Variants in RBL1 observed in about 807,000 individuals in gnomAD.
RBL1 encodes the protein retinoblastoma-like protein 1.
Under a neutral mutation model 123.0 loss-of-function variants are expected in RBL1, and 82 were observed. The ratio of observed to expected loss-of-function variants is 0.67; its 90% confidence interval spans 0.56 to 0.80. RBL1 has a LOEUF of 0.80. Ranked by LOEUF, RBL1 falls within the 30% of genes least tolerant of loss-of-function variation. RBL1 has a pLI of 0.00. For synonymous variants in RBL1, 405 were observed against 441.3 expected (o/e 0.92, Z 1.03); for missense variants, 1,171 against 1,299.6 (o/e 0.90, Z 1.52).
intron 18 of RBL1, among the ~76,000 whole-genome samples, chr20:37,018,659 G>T (rs958042992): frequency 1.3e-5 from 2 of 152,146 alleles, no homozygotes; most frequent in African/African-American, 4.8e-5. Context: ...CAACTTTAAA[G>T]ACCTGAATTT....
At chr20:37,092,844 G>A (rs1431600738) in intron 1 of RBL1, among the ~76,000 whole-genome samples, 1 of 152,006 alleles carries the variant, frequency 6.6e-6, no homozygotes, top group Non-Finnish European at 1.5e-5. Flanking sequence ...GAATAAAATA[G>A]AATACAATTC....
At chr20:37,069,514 C>T (rs1299282033) in intron 2 of RBL1, among the ~76,000 whole-genome samples, 1 of 151,542 alleles carries the variant, frequency 6.6e-6, no homozygotes, top group Non-Finnish European at 1.5e-5. Context: ...GTGAGGAGCA[C>T]CTCTGCCCGG....
chr20:37,066,937 A>C, intron 5 of RBL1, 53 bp from the exon 6 acceptor site: 2 of 1,596,240 alleles, frequency 1.3e-6, no homozygotes, highest in Non-Finnish European at 1.7e-6. Context: ...TCAACTTTTA[A>C]AAATCTTTTT....
chr20:37,069,406 T>C (rs530733754), intron 2 of RBL1, among the ~76,000 whole-genome samples: 32 of 140,192 alleles, frequency 2.3e-4, no homozygotes, highest in African/African-American at 8.4e-4. Flanking sequence ...CACCTCTTCC[T>C]CGCCGCCATC....
intron 2 of RBL1, among the ~76,000 whole-genome samples, chr20:37,069,379 A>G (rs2065242209): frequency 7.1e-6 from 1 of 140,442 alleles, no homozygotes; most frequent in Non-Finnish European, 1.5e-5. Context: ...CCGCCATCCC[A>G]CCTAGGAAGT....
At chr20:37,012,398 C>G (rs1193788697) in intron 19 of RBL1, among the ~76,000 whole-genome samples, 1 of 151,374 alleles carries the variant, frequency 6.6e-6, no homozygotes, top group Non-Finnish European at 1.5e-5. Context: ...TGCCCGGCCG[C>G]CATCCCATCT....
chr20:37,005,913 T>TTTTTGG (rs2064064799), intron 20 of RBL1, among the ~76,000 whole-genome samples: 1 of 146,012 alleles, frequency 6.8e-6, no homozygotes. Flanking sequence ...TTTTTTTTTT[T>TTTTTGG]GAGGCAGGGT....
In RBL1 at chr20:37,094,530, AGT is replaced by A. The variant is rs377510784; in HGVS notation, c.156+1241_156+1242del. On this transcript the variant is annotated intron_variant, in intron 1 of 21. Coordinates refer to ENST00000373664, the MANE Select transcript of RBL1 (RefSeq NM_002895.5). ...TGGTGAGTCAGTGGTGCACCCTGGG[AGT>A]GGGTCCAGCGCCCTTGGCACATGAA... 3.6e-4 allele frequency among the ~76,000 whole-genome samples: 55 copies of A among 152,204 alleles called. 1 individual carries two copies. In the East Asian group the frequency reaches 0.01, roughly 29 times the overall value.
At position 37,075,279 on chromosome 20, in the gene RBL1, G is replaced by A. The variant is rs150073519; in HGVS notation, c.291-7093C>T. The stretch of plus-strand genomic sequence containing the variant: ...TGATGGAAATGTCCTAAAATGGATT[G>A]TGGTGGTGGTACACAACTCTGTGAA... On this transcript the variant is annotated intron_variant, in intron 2 of 21. Coordinates refer to ENST00000373664, the MANE Select transcript of RBL1 (RefSeq NM_002895.5). Among the ~76,000 whole-genome samples the A allele has an allele frequency of 5.2e-3, 790 of 152,238 alleles. 8 individuals are homozygous for A. Among genetic ancestry groups the A allele is most frequent in the African/African-American group, 0.018 (749 of 41,534 alleles).
Position 36,997,901 on chromosome 20 carries a change from G to C in RBL1, c.*858C>G, listed in dbSNP as rs1318792201. 1 of 151,974 alleles carries C rather than the reference G, an allele frequency of 6.6e-6. No homozygotes were observed. The highest frequency in any genetic ancestry group is 1.5e-5 in the Non-Finnish European group (1 of 68,006). 9.4% of individuals were successfully genotyped at this position (151,974 alleles called of 1,614,324 possible). On this transcript the variant is annotated 3_prime_UTR_variant, in exon 22 of 22. Transcript: ENST00000373664. ...GCTCAGGTACAAATCTGTTTATAAAGCTCAAGGAGAGAAAAGGCACGAGAA... is the reference window on the plus strand; with the variant it reads ...GCTCAGGTACAAATCTGTTTATAAACCTCAAGGAGAGAAAAGGCACGAGAA...
chr20:37,064,246 G>A (rs924917187), intron 7 of RBL1, among the ~76,000 whole-genome samples: 20 of 143,536 alleles, frequency 1.4e-4, no homozygotes, highest in Admixed American at 4.9e-4. Context: ...CAAGCGATCC[G>A]CCTGCCTCAG....
At chr20:37,083,630 C>A (rs374931534) in intron 2 of RBL1, among the ~76,000 whole-genome samples, 61 of 57,354 alleles carry the variant, frequency 1.1e-3, no homozygotes, top group South Asian at 1.9e-3. Flanking sequence ...ACTAAAAATA[C>A]AAAAAAAAAA....
chr20:37,094,536 T>A (rs2062396182), intron 1 of RBL1, among the ~76,000 whole-genome samples: 2 of 152,056 alleles, frequency 1.3e-5, no homozygotes, highest in South Asian at 4.1e-4. Context: ...TGGGAGTGGG[T>A]CCAGCGCCCT....
intron 2 of RBL1, chr20:37,082,136 A>T: frequency 2.6e-6 from 1 of 384,832 alleles, no homozygotes; most frequent in Non-Finnish European, 5.1e-6. Flanking sequence ...GGGCCTAGGG[A>T]CAAGAATACA....
chr20:37,047,807 C>A (rs769764039), intron 11 of RBL1, among the ~76,000 whole-genome samples: 2 of 151,956 alleles, frequency 1.3e-5, no homozygotes, highest in African/African-American at 2.4e-5. Context: ...TGGTGAAACC[C>A]CGTCTCTACT....
At chr20:36,999,299 G>C (rs917779193) in intron 21 of RBL1, among the ~76,000 whole-genome samples, 2 of 151,628 alleles carry the variant, frequency 1.3e-5, no homozygotes, top group African/African-American at 2.4e-5. Context: ...TCAGCTACTC[G>C]GGAGGTTAAG....
intron 12 of RBL1, among the ~76,000 whole-genome samples, chr20:37,044,859 C>T (rs1272215592): frequency 6.6e-6 from 1 of 152,092 alleles, no homozygotes; most frequent in Non-Finnish European, 1.5e-5. Context: ...GTCTTGGGTT[C>T]CAAGTCTAGT....
chr20:37,032,593 G>A, intron 16 of RBL1, 72 bp downstream of exon 16: 2 of 1,567,658 alleles, frequency 1.3e-6, no homozygotes, highest in Non-Finnish European at 1.7e-6. Flanking sequence ...AAAGACCAAA[G>A]TCTGTCTCTG....
At chr20:37,087,628 T>A (rs918557292) in intron 2 of RBL1, among the ~76,000 whole-genome samples, 1 of 152,108 alleles carries the variant, frequency 6.6e-6, no homozygotes, top group African/African-American at 2.4e-5. Flanking sequence ...ACAAAGTGAT[T>A]GTGGATTATA....
Sources: allele counts gnomAD v4.1 joint callset (sites outside exome capture counted in the v4.1 genomes callset), GRCh38; gene constraint gnomAD v4.1.1; transcripts MANE v1.5; gene names NCBI Gene and HGNC (gene_info 2026-07-23, HGNC 2026-07-21).